ADAMTS2: variants seen among roughly 807,000 people sequenced by gnomAD.
ADAMTS2 encodes A disintegrin and metalloproteinase with thrombospondin motifs 2.
A neutral mutation model predicts 123.0 loss-of-function variants in ADAMTS2; 50 were observed. That is an observed-to-expected ratio of 0.41 (90% CI 0.32 to 0.51). ADAMTS2 has a LOEUF of 0.51. ADAMTS2 is among the 20% of genes least tolerant of loss of function. The pLI is 0.35. For synonymous variants in ADAMTS2, 678 were observed against 695.4 expected, an observed-to-expected ratio of 0.98 and a Z score of 0.39; for missense variants, 1,494 against 1,705.2, an observed-to-expected ratio of 0.88 and a Z score of 2.18.
At chr5:179,198,017 G>T (rs767094432) in intron 4 of ADAMTS2, among the ~76,000 whole-genome samples, 5 of 152,236 alleles carry the variant, frequency 3.3e-5, no homozygotes, top group Non-Finnish European at 7.3e-5. Context: ...CAAAGCCCCA[G>T]GGTCAGTATC....
At position 179,234,342 on chromosome 5, in the gene ADAMTS2, G is replaced by A. The variant is rs913003313; in HGVS notation, c.689-26627C>T. Reference sequence around the variant, plus strand: ...AAGGCCTCACCATGCATCTCAGAGAGAAGTGGAGGCTGCACCCCCACAGGA... The same window carrying A: ...AAGGCCTCACCATGCATCTCAGAGAAAAGTGGAGGCTGCACCCCCACAGGA... On this transcript the variant is annotated intron_variant, in intron 3 of 21. Transcript: ENST00000251582. The surrounding 1 kb of genome is among the most constrained non-coding windows in gnomAD (Gnocchi z 4.7). 6.6e-6 allele frequency among the ~76,000 whole-genome samples: 1 copy of A among 152,128 alleles called. No individual in the cohort carries two copies. The highest frequency in any genetic ancestry group is 2.4e-5 in the African/African-American group (1 of 41,410).
chr5:179,200,244 CTTTTTT>C (rs1051856642), intron 4 of ADAMTS2, among the ~76,000 whole-genome samples: 1 of 103,688 alleles, frequency 9.6e-6, no homozygotes, highest in South Asian at 3.4e-4. Context: ...CCTTTCTTTC[CTTTTTT>C]TTTTTTTTTT....
At chr5:179,231,023 C>T (rs1251422641) in intron 3 of ADAMTS2, among the ~76,000 whole-genome samples, 1 of 151,702 alleles carries the variant, frequency 6.6e-6, no homozygotes, top group Admixed American at 6.6e-5. Context: ...AAAAAAAAAG[C>T]CGGGGGGGCT....
intron 2 of ADAMTS2, among the ~76,000 whole-genome samples, chr5:179,280,793 G>C (rs747126376): frequency 6.6e-6 from 1 of 152,152 alleles, no homozygotes; most frequent in Non-Finnish European, 1.5e-5. Flanking sequence ...GACTCCCCTC[G>C]ACTCAACCAG....
intron 3 of ADAMTS2, among the ~76,000 whole-genome samples, chr5:179,220,784 G>A (rs2113405211): frequency 6.6e-6 from 1 of 152,332 alleles, no homozygotes; most frequent in Admixed American, 6.5e-5. Context: ...AGTTTCCCTT[G>A]TTGTGGCCTT....
In ADAMTS2 at chr5:179,214,744, G is replaced by A. The variant is rs78087036; in HGVS notation, c.689-7029C>T. Among the ~76,000 whole-genome samples the A allele has an allele frequency of 9.7e-4, 147 of 152,218 alleles. 2 individuals are homozygous for A. In the East Asian group the frequency reaches 0.027, roughly 28 times the overall value. On this transcript the variant is annotated intron_variant, in intron 3 of 21. Transcript: ENST00000251582. ...AAGACCTCAGTAAATGAAGCTACAT[G>A]GACATAATCCTGGACTGGAAGTTGG... is the stretch of plus-strand genomic sequence containing the variant.
chr5:179,204,227 T>C (rs1351487387), intron 4 of ADAMTS2, among the ~76,000 whole-genome samples: 1 of 152,110 alleles, frequency 6.6e-6, no homozygotes, highest in African/African-American at 2.4e-5. Context: ...ATGGGCACAG[T>C]TTCAATTTTA....
chr5:179,302,697 G>C (rs933940220), intron 2 of ADAMTS2, among the ~76,000 whole-genome samples: 1 of 151,962 alleles, frequency 6.6e-6, no homozygotes, highest in Non-Finnish European at 1.5e-5. Context: ...TGACGCAGCC[G>C]TGAGGACAAC....
intron 3 of ADAMTS2, among the ~76,000 whole-genome samples, chr5:179,271,294 T>A (rs909909692): frequency 6.6e-6 from 1 of 152,088 alleles, no homozygotes; most frequent in Admixed American, 6.5e-5. Flanking sequence ...ATCAGAGACA[T>A]GGCCAAGGGC....
intron 2 of ADAMTS2, 112 bp from the exon 3 acceptor site, chr5:179,273,176 AC>A: frequency 6.7e-7 from 1 of 1,503,106 alleles, no homozygotes; most frequent in Non-Finnish European, 9.2e-7. Context: ...CCTGCCCAGC[AC>A]CCCAGCTGGT....
intron 11 of ADAMTS2, 123 bp downstream of exon 11, chr5:179,139,767 C>T (rs1330780266): frequency 6.9e-7 from 1 of 1,458,942 alleles, no homozygotes; most frequent in South Asian, 1.2e-5. Context: ...GGGCAGCCTG[C>T]CCTGCACCTC....
chr5:179,152,474 CCA>C (rs1341025580), intron 9 of ADAMTS2, among the ~76,000 whole-genome samples: 1 of 152,162 alleles, frequency 6.6e-6, no homozygotes, highest in Non-Finnish European at 1.5e-5. Context: ...CTCTCTGCCT[CCA>C]GTCTTTGGAG....
rs905497481 is a variant in ADAMTS2, at chr5:179,197,430, C to T, written c.891+10083G>A. On this transcript the variant is annotated intron_variant, in intron 4 of 21. Coordinates refer to ENST00000251582, the MANE Select transcript of ADAMTS2 (RefSeq NM_014244.5). The surrounding 1 kb of genome is among the most constrained non-coding windows in gnomAD (Gnocchi z 4.2). ...GAAGTCTTGGCACAGATAGATTTTA[C>T]TTTTAAAAATGTATCTGTAGCCAGG... Among the ~76,000 whole-genome samples, 1 of 152,180 alleles carries T rather than the reference C, an allele frequency of 6.6e-6. No homozygotes were observed. The highest frequency in any genetic ancestry group is 1.5e-5 in the Non-Finnish European group (1 of 68,026).
chr5:179,306,771 G>A (rs147955689), intron 2 of ADAMTS2, among the ~76,000 whole-genome samples: 2 of 152,312 alleles, frequency 1.3e-5, no homozygotes, highest in Non-Finnish European at 2.9e-5. Context: ...GATCTCCAGT[G>A]CCAAGCCCGG....
At chr5:179,267,273 C>T (rs985440522) in intron 3 of ADAMTS2, among the ~76,000 whole-genome samples, 30 of 152,356 alleles carry the variant, frequency 2.0e-4, no homozygotes, top group African/African-American at 5.3e-4. Context: ...GTGGCAGCCA[C>T]GCTCAGCCAC....
In ADAMTS2 at chr5:179,234,034, C is replaced by T. The variant is rs960702798; in HGVS notation, c.689-26319G>A. Among the ~76,000 whole-genome samples, 1 of 152,140 alleles carries T rather than the reference C, an allele frequency of 6.6e-6. No individual in the cohort carries two copies. Among genetic ancestry groups the T allele is most frequent in the Non-Finnish European group, 1.5e-5 (1 of 68,020 alleles). On this transcript the variant is annotated intron_variant, in intron 3 of 21. Transcript: ENST00000251582. This position sits in a 1 kb window ranked among gnomAD's most constrained non-coding sequence, Gnocchi z 4.7. ...CACAATGGTTAAGACCCTCCTGTGT[C>T]CAGGACCCCGACTGCCAGGCCCTTC...
At chr5:179,245,610 C>A (rs1223259888) in intron 3 of ADAMTS2, among the ~76,000 whole-genome samples, 11 of 149,314 alleles carry the variant, frequency 7.4e-5, no homozygotes, top group Admixed American at 4.0e-4. Flanking sequence ...ACTAAAAATA[C>A]AAAAAATTAG....
chr5:179,207,471 A>AGCC, intron 4 of ADAMTS2, 42 bp downstream of exon 4: 1 of 1,026,472 alleles, frequency 9.7e-7, no homozygotes, highest in Non-Finnish European at 1.5e-6. Context: ...CCCCTGGTTG[A>AGCC]CCCTCCCCGC....
intron 2 of ADAMTS2, among the ~76,000 whole-genome samples, chr5:179,326,328 T>C (rs73333299): frequency 0.01 from 1,524 of 152,038 alleles, 24 homozygotes; most frequent in African/African-American, 0.034. Flanking sequence ...CTCTCGGTGA[T>C]GTCAGCGGCT....
Sources: allele counts gnomAD v4.1 joint callset (sites outside exome capture counted in the v4.1 genomes callset), GRCh38; gene constraint gnomAD v4.1.1; non-coding constraint Gnocchi (gnomAD v3.1); transcripts MANE v1.5; gene names NCBI Gene and HGNC (gene_info 2026-07-23, HGNC 2026-07-21).